CAPN9: variants seen among roughly 807,000 people sequenced by gnomAD.
The protein encoded by CAPN9 is calpain-9.
In CAPN9, 81 loss-of-function variants were observed where a neutral mutation model predicts 92.8. The ratio of observed to expected loss-of-function variants is 0.87; its 90% CI spans 0.73 to 1.05. CAPN9 has a LOEUF of 1.05. Among genes scored for constraint, CAPN9 ranks in the 50% least tolerant of loss-of-function variants. CAPN9 has a pLI of 0.00. For synonymous variants in CAPN9, 304 were observed against 328.0 expected (o/e 0.93, Z 0.79); for missense variants, 848 against 866.2 (o/e 0.98, Z 0.26).
chr1:230,789,366 G>T (rs1338638723), intron 13 of CAPN9, among the ~76,000 whole-genome samples: 1 of 151,510 alleles, frequency 6.6e-6, no homozygotes, highest in Non-Finnish European at 1.5e-5. Context: ...CCAGCTACTT[G>T]GGAGGCTGAG....
chr1:230,777,586 C>T (rs1304548853), intron 8 of CAPN9, among the ~76,000 whole-genome samples: 1 of 152,104 alleles, frequency 6.6e-6, no homozygotes, highest in Non-Finnish European at 1.5e-5. Context: ...ACTCAAGTGA[C>T]CAACCCAGCT....
chr1:230,751,677 AAGAAAG>A (rs1664847394), intron 1 of CAPN9, among the ~76,000 whole-genome samples: 5 of 135,670 alleles, frequency 3.7e-5, no homozygotes, highest in African/African-American at 1.4e-4. Flanking sequence ...GAAAGAAAGA[AAGAAAG>A]AAGGGTGGCT....
At chr1:230,780,826 G>A (rs571139707) in intron 11 of CAPN9, 118 bp downstream of exon 11, 2 of 732,282 alleles carry the variant, frequency 2.7e-6, no homozygotes, top group South Asian at 3.4e-5. Flanking sequence ...GTGTACCTGA[G>A]AAACAAGGCA....
chr1:230,753,699 G>A (rs1241215002), intron 1 of CAPN9, among the ~76,000 whole-genome samples: 1 of 152,112 alleles, frequency 6.6e-6, no homozygotes, highest in Admixed American at 6.5e-5. Flanking sequence ...CCTGGTGCCT[G>A]GAAAAGTGGG....
intron 9 of CAPN9, among the ~76,000 whole-genome samples, chr1:230,779,621 A>G (rs866464707): frequency 2.0e-5 from 3 of 152,216 alleles, no homozygotes; most frequent in Non-Finnish European, 2.9e-5. Flanking sequence ...GGGTATCAAA[A>G]AAAAGCCCTC....
At chr1:230,767,761 G>A in intron 5 of CAPN9, 52 bp downstream of exon 5, 5 of 1,535,734 alleles carry the variant, frequency 3.3e-6, no homozygotes, top group Non-Finnish European at 4.4e-6. Context: ...GCTGCATAGT[G>A]CATTCCAGGC....
At chr1:230,796,129 G>A (rs893774577) in intron 18 of CAPN9, among the ~76,000 whole-genome samples, 6 of 151,092 alleles carry the variant, frequency 4.0e-5, no homozygotes, top group Admixed American at 6.6e-5. Flanking sequence ...TCAGGAGCTC[G>A]AGACCAGCTC....
At chr1:230,769,620 T>G (rs200959029) in intron 6 of CAPN9, among the ~76,000 whole-genome samples, 2 of 4,010 alleles carry the variant, frequency 5.0e-4, no homozygotes, top group South Asian at 0.011. Flanking sequence ...CACACACCTA[T>G]CTATCTATCT....
intron 4 of CAPN9, among the ~76,000 whole-genome samples, chr1:230,765,552 G>A (rs12562209): frequency 0.066 from 10,074 of 151,974 alleles, 522 homozygotes; most frequent in East Asian, 0.25. Flanking sequence ...CCAACTACTC[G>A]GGAGGCTAAG....
chr1:230,769,614 CACCTATCTATCT>C (rs376806290), intron 6 of CAPN9, among the ~76,000 whole-genome samples: 3,212 of 149,912 alleles, frequency 0.021, 95 homozygotes, highest in African/African-American at 0.059. Flanking sequence ...AACACACACA[CACCTATCTATCT>C]ATCTATCTAT....
intron 14 of CAPN9, 35 bp from the exon 15 acceptor site, chr1:230,791,829 G>T: frequency 1.3e-6 from 2 of 1,567,466 alleles, no homozygotes; most frequent in Non-Finnish European, 1.8e-6. Context: ...TATCTTATCG[G>T]GTCAACTGAA....
In CAPN9 at chr1:230,747,564, A is replaced by G. The variant is rs770265135; in HGVS notation, c.68A>G (p.His23Arg). ...HPVPKDARIT[H>R]SSGQSFEQMR... The stretch of plus-strand genomic sequence containing the variant: ...GTTCCCAAGGACGCCCGGATCACCC[A>G]CTCCTCAGGCCAGAGCTTTGAGCAA... The change falls in exon 1 of 20, where the codon CAC (histidine) becomes CGC (arginine). Residue 23 changes from histidine (H) to arginine (R), a missense_variant. Coordinates refer to ENST00000271971, the MANE Select transcript of CAPN9 (RefSeq NM_006615.3). 5 of 1,613,470 alleles carry G rather than the reference A, an allele frequency of 3.1e-6. No individual in the cohort carries two copies. The African/African-American group carries it at 5.4e-5, about 17-fold the overall frequency.
Position 230,747,580 on chromosome 1 carries a change from C to T in CAPN9, c.84C>T (p.Ser28=), listed in dbSNP as rs1663369677. 6 of 1,614,202 alleles carry T rather than the reference C, an allele frequency of 3.7e-6. No individual in the cohort carries two copies. The South Asian group carries it at 5.5e-5, about 15-fold the overall frequency. Residue 28 remains serine, a synonymous_variant, in exon 1 of 20, where the codon AGC becomes AGT. Coordinates refer to ENST00000271971, the MANE Select transcript of CAPN9 (RefSeq NM_006615.3). ...DARITHSSGQ[S]FEQMRQECLQ... is the part of the protein sequence containing the mutation. ...GGATCACCCACTCCTCAGGCCAGAG[C>T]TTTGAGCAAATGAGGCAGGAGTGCC...
chr1:230,758,686 G>A (rs1665415695), intron 2 of CAPN9, among the ~76,000 whole-genome samples: 2 of 152,218 alleles, frequency 1.3e-5, no homozygotes, highest in South Asian at 4.1e-4. Context: ...CTCAGAAACT[G>A]CCAAGCTGAG....
At chr1:230,758,813 T>G (rs548768171) in intron 2 of CAPN9, among the ~76,000 whole-genome samples, 1 of 152,252 alleles carries the variant, frequency 6.6e-6, no homozygotes, top group East Asian at 1.9e-4. Flanking sequence ...ACAGGCGGCA[T>G]CTGAGACACT....
chr1:230,750,523 C>T (rs1441634620), intron 1 of CAPN9, among the ~76,000 whole-genome samples: 2 of 151,916 alleles, frequency 1.3e-5, no homozygotes, highest in African/African-American at 2.4e-5. Context: ...ACTCTTCTTG[C>T]AGCATAGAGT....
chr1:230,749,936 C>T (rs1216985165), intron 1 of CAPN9, among the ~76,000 whole-genome samples: 2 of 152,174 alleles, frequency 1.3e-5, no homozygotes, highest in African/African-American at 4.8e-5. Context: ...CTCTACAACT[C>T]ACTTACTTTT....
chr1:230,775,821 G>A (rs1666720545), intron 8 of CAPN9, among the ~76,000 whole-genome samples: 1 of 151,758 alleles, frequency 6.6e-6, no homozygotes, highest in African/African-American at 2.4e-5. Context: ...GGAGGCTGAG[G>A]CAGGAGAATG....
intron 1 of CAPN9, among the ~76,000 whole-genome samples, chr1:230,753,844 C>G (rs1338981149): frequency 8.5e-6 from 1 of 118,236 alleles, no homozygotes; most frequent in African/African-American, 2.8e-5. Context: ...CCGGCTTCCT[C>G]CCTCCCTCCC....
Sources: gnomAD v4.1 joint callset for allele counts (sites outside exome capture counted in the v4.1 genomes callset) on GRCh38, gnomAD v4.1.1 for gene constraint, MANE v1.5 for transcripts, NCBI Gene and HGNC (gene_info 2026-07-23, HGNC 2026-07-21) for gene names.